Variants in ACACA observed in about 807,000 individuals in gnomAD.
ACACA encodes the protein acetyl-CoA carboxylase alpha.
Under a neutral mutation model 296.1 loss-of-function variants are expected in ACACA, and 103 were observed. That is an observed-to-expected ratio of 0.35 (90% CI 0.30 to 0.41). The LOEUF is 0.41. Among genes scored for constraint, ACACA ranks in the 10% least tolerant of loss-of-function variants. The pLI is 1.00. For missense variants in ACACA, 1,554 were observed against 2,989.7 expected (o/e 0.52, Z 11.20); for synonymous variants, 953 against 1,038.6 (o/e 0.92, Z 1.58).
intron 41 of ACACA, among the ~76,000 whole-genome samples, chr17:37,168,715 G>C (rs1179758882): frequency 2.0e-5 from 3 of 152,146 alleles, no homozygotes; most frequent in Admixed American, 6.5e-5. Flanking sequence ...AACTACGTTA[G>C]TTTGTTGGGT....
intron 5 of ACACA, among the ~76,000 whole-genome samples, chr17:37,280,776 T>G (rs942984353): frequency 2.0e-4 from 28 of 139,600 alleles, no homozygotes; most frequent in African/African-American, 6.8e-4. Context: ...AAAAAACACA[T>G]TCATTTAAAA....
intron 41 of ACACA, among the ~76,000 whole-genome samples, chr17:37,177,562 T>G (rs916345502): frequency 6.6e-6 from 1 of 152,170 alleles, no homozygotes; most frequent in Non-Finnish European, 1.5e-5. Flanking sequence ...AAAATCTCAT[T>G]TTGTGTTTTA....
chr17:37,355,534 T>A (rs1042982453), intron 1 of ACACA, among the ~76,000 whole-genome samples: 3 of 142,924 alleles, frequency 2.1e-5, no homozygotes, highest in Non-Finnish European at 4.6e-5. Context: ...CCAGCCTGGG[T>A]GACAGAGTGA....
At chr17:37,229,143 C>CA (rs11454831) in intron 25 of ACACA, among the ~76,000 whole-genome samples, 6,516 of 106,040 alleles carry the variant, frequency 0.061, 169 homozygotes, top group Middle Eastern at 0.16. Flanking sequence ...GACTCCGTCT[C>CA]AAAAAAAAAA....
chr17:37,246,349 T>C (rs1159824474), intron 19 of ACACA, among the ~76,000 whole-genome samples: 2 of 152,236 alleles, frequency 1.3e-5, no homozygotes, highest in Non-Finnish European at 2.9e-5. Flanking sequence ...GTTTTAAAAA[T>C]CTTAAGGTTC....
At chr17:37,274,977 C>T (rs2082215463) in intron 8 of ACACA, among the ~76,000 whole-genome samples, 2 of 124,304 alleles carry the variant, frequency 1.6e-5, no homozygotes, top group African/African-American at 4.0e-5. Context: ...TGCTTGAGTA[C>T]TTAAGAAAAA....
chr17:37,191,650 G>C (rs1467584432), intron 37 of ACACA, among the ~76,000 whole-genome samples: 2 of 152,132 alleles, frequency 1.3e-5, no homozygotes, highest in Non-Finnish European at 2.9e-5. Flanking sequence ...AACACATCAG[G>C]AAGTGCCTTG....
intron 1 of ACACA, chr17:37,376,286 A>G: frequency 1.5e-6 from 1 of 679,396 alleles, no homozygotes; most frequent in South Asian, 1.9e-5. Flanking sequence ...CCATGTATCC[A>G]CTCGCCTCTA....
chr17:37,278,731 A>G (rs1460734475), intron 5 of ACACA, among the ~76,000 whole-genome samples: 3 of 152,190 alleles, frequency 2.0e-5, no homozygotes, highest in African/African-American at 7.2e-5. Flanking sequence ...TCAACCCAAT[A>G]TGTGACAGAA....
At chr17:37,237,409 A>G (rs1217547292) in intron 24 of ACACA, among the ~76,000 whole-genome samples, 4 of 152,232 alleles carry the variant, frequency 2.6e-5, no homozygotes, top group Non-Finnish European at 4.4e-5. Context: ...GTTAAAGAAT[A>G]CAAATAAGTT....
intron 41 of ACACA, among the ~76,000 whole-genome samples, chr17:37,167,196 G>A (rs534528295): frequency 3.8e-5 from 5 of 130,162 alleles, no homozygotes; most frequent in South Asian, 2.5e-4. Context: ...TCCTGACCTT[G>A]TGATCCGCCC....
At chr17:37,302,207 TTTTTTTTTTTTTGAGACA>T (rs1241596825) in intron 3 of ACACA, among the ~76,000 whole-genome samples, 2 of 150,486 alleles carry the variant, frequency 1.3e-5, no homozygotes, top group Non-Finnish European at 3.0e-5. Context: ...GAACTCTTTT[TTTTTTTTTTTTTGAGACA>T]GGGTTTCGCT....
At chr17:37,275,298 C>T (rs2082231960) in intron 8 of ACACA, among the ~76,000 whole-genome samples, 1 of 151,986 alleles carries the variant, frequency 6.6e-6, no homozygotes, top group African/African-American at 2.4e-5. Context: ...GAGTTCAACA[C>T]CAGCCTGGCC....
At chr17:37,269,046 TAAAAA>T (rs35990848) in intron 10 of ACACA, among the ~76,000 whole-genome samples, 1 of 121,188 alleles carries the variant, frequency 8.3e-6, no homozygotes, top group Non-Finnish European at 1.8e-5. Context: ...GAAAAAAATG[TAAAAA>T]AAAAAAAAAA....
chr17:37,299,638 AAT>A (rs1462720037), intron 3 of ACACA: 23 of 1,145,472 alleles, frequency 2.0e-5, no homozygotes, highest in Non-Finnish European at 2.5e-5. Context: ...GCCGGGGAGA[AAT>A]ATAAAAGCTT....
At chr17:37,216,206 G>GTA (rs1408341144) in intron 29 of ACACA, among the ~76,000 whole-genome samples, 29 of 146,184 alleles carry the variant, frequency 2.0e-4, no homozygotes, top group African/African-American at 7.2e-4. Flanking sequence ...GTGTGTGTGT[G>GTA]TGTATATATA....
At position 37,240,398 on chromosome 17, in the gene ACACA, C is replaced by T. The variant is rs2080333822; in HGVS notation, c.3121+78G>A. On this transcript the variant is annotated intron_variant, in intron 24 of 55. Coordinates refer to ENST00000616317, the MANE Select transcript of ACACA (RefSeq NM_198834.3). The stretch of plus-strand genomic sequence containing the variant: ...GACAGGAGGGGGCTTAGCTCTTACA[C>T]AGTCCTATAGGGATAGTTTGGGTTG... The T allele has an allele frequency of 3.1e-6, 4 of 1,279,488 alleles. No individual in the cohort carries two copies. In the Admixed American group the frequency reaches 7.5e-5, roughly 24 times the overall value. The allele number at this position is 1,279,488 out of a possible 1,614,324, so 79.3% of individuals were successfully genotyped here. A position where few individuals can be genotyped will look rare whatever the true frequency, so the allele number is the denominator to read the frequency against.
At chr17:37,247,649 G>A (rs1212554448) in intron 18 of ACACA, among the ~76,000 whole-genome samples, 1 of 152,172 alleles carries the variant, frequency 6.6e-6, no homozygotes, top group Non-Finnish European at 1.5e-5. Context: ...TTACAGGCGT[G>A]AGCCACCGCG....
Position 37,207,729 on chromosome 17 carries a change from T to C in ACACA, c.3779A>G (p.Asp1260Gly), listed in dbSNP as rs750477668. The change falls in exon 31 of 56, where the codon GAC (aspartate) becomes GGC (glycine). Residue 1260 changes from aspartate (D) to glycine (G), a missense_variant. Physicochemically the swap from Asp to Gly is moderately conservative, Grantham distance 94. Coordinates refer to ENST00000616317, the MANE Select transcript of ACACA (RefSeq NM_198834.3). ...CTGACAAGGTGGAGTGAATGAGTTG[T>C]CCAACAGTACATCGCTGACACTAGC... is the stretch of plus-strand genomic sequence containing the variant. ...HVASVSDVLL[D>G]NSFTPPCQRM... The C allele has an allele frequency of 6.2e-7, 1 of 1,614,070 alleles. No homozygotes were observed. The highest frequency in any genetic ancestry group is 8.5e-7 in the Non-Finnish European group (1 of 1,179,932).
Sources: gnomAD v4.1 joint callset for allele counts (sites outside exome capture counted in the v4.1 genomes callset) on GRCh38, gnomAD v4.1.1 for gene constraint, MANE v1.5 for transcripts, NCBI Gene and HGNC (gene_info 2026-07-23, HGNC 2026-07-21) for gene names.